The following SGIP1 variants were observed in gnomAD, a reference collection of about 807,000 sequenced individuals.
SGIP1 encodes the protein SH3GL interacting endocytic adaptor 1.
A neutral mutation model predicts 107.5 loss-of-function variants in SGIP1; 38 were observed. The ratio of observed to expected loss-of-function variants is 0.35; its 90% CI spans 0.27 to 0.46. The LOEUF is 0.46. Among genes scored for constraint, SGIP1 ranks in the 20% least tolerant of loss-of-function variants. The pLI is 1.00. For missense variants in SGIP1, 929 were observed against 1,019.5 expected, an observed-to-expected ratio of 0.91 and a Z score of 1.21; for synonymous variants, 365 against 366.1, an observed-to-expected ratio of 1.00 and a Z score of 0.03.
At chr1:66,651,667 A>G (rs968432575) in intron 7 of SGIP1, among the ~76,000 whole-genome samples, 4 of 152,216 alleles carry the variant, frequency 2.6e-5, no homozygotes, top group African/African-American at 9.6e-5. Context: ...CACCCATAGA[A>G]GACCATCCAG....
intron 18 of SGIP1, among the ~76,000 whole-genome samples, chr1:66,701,362 C>A (rs1471899161): frequency 6.6e-6 from 1 of 152,070 alleles, no homozygotes; most frequent in Non-Finnish European, 1.5e-5. Context: ...TATTAAGTAC[C>A]CACTCTGCAA....
intron 1 of SGIP1, among the ~76,000 whole-genome samples, chr1:66,572,678 T>A (rs2060537347): frequency 6.6e-6 from 1 of 152,080 alleles, no homozygotes; most frequent in Non-Finnish European, 1.5e-5. Flanking sequence ...GATTTTAAGT[T>A]CATAATTTTC....
chr1:66,615,532 CT>C (rs1044782291), intron 1 of SGIP1, among the ~76,000 whole-genome samples: 6 of 152,190 alleles, frequency 3.9e-5, no homozygotes, highest in East Asian at 3.8e-4. Context: ...GACTGGCCCC[CT>C]ATTCCCTGAA....
intron 8 of SGIP1, 93 bp downstream of exon 8, chr1:66,660,617 A>G: frequency 8.4e-7 from 1 of 1,186,726 alleles, no homozygotes; most frequent in Non-Finnish European, 1.3e-6. Flanking sequence ...TGTGTTTAAC[A>G]CCTAAACAAG....
Position 66,643,626 on chromosome 1 carries a change from A to G in SGIP1, c.366A>G (p.Lys122=). 2.5e-6 allele frequency: 4 copies of G among 1,610,962 alleles called. No individual in the cohort carries two copies. Among genetic ancestry groups the G allele is most frequent in the Non-Finnish European group, 3.4e-6 (4 of 1,178,966 alleles). The change falls in exon 7 of 25, where the codon AAA becomes AAG. Residue 122 remains lysine, a synonymous_variant. Transcript: ENST00000371037. ...ATAAGAAATTTAATATCAAGATTAA[A>G]CCATTGCAATCTAAAGACATTCTTA... ...ESHKKFNIKI[K]PLQSKDILKN...
chr1:66,537,506 C>T (rs1190561237), intron 1 of SGIP1, among the ~76,000 whole-genome samples: 1 of 152,078 alleles, frequency 6.6e-6, no homozygotes, highest in Non-Finnish European at 1.5e-5. Context: ...GGCTATCTGT[C>T]TATTTGTGAG....
rs1399768279 is a variant in SGIP1 at position 66,682,147 on chromosome 1, G to GGGCCTCCTC, written c.1095_1103dup (p.Pro366_Arg368dup). ...TCCCACAGGCCCCCCAGGGCCTCCT[G>GGGCCTCCTC]GGCCTCCTCGCAATGTACTATCGCC... On this transcript the variant is annotated inframe_insertion, in exon 15 of 25. Coordinates refer to ENST00000371037, the MANE Select transcript of SGIP1 (RefSeq NM_032291.4). The GGGCCTCCTC allele has an allele frequency of 6.2e-7, 1 of 1,614,074 alleles. No homozygotes were observed. Among genetic ancestry groups the GGGCCTCCTC allele is most frequent in the African/African-American group, 1.3e-5 (1 of 74,936 alleles).
intron 1 of SGIP1, among the ~76,000 whole-genome samples, chr1:66,600,424 T>C (rs2065574133): frequency 6.6e-6 from 1 of 152,140 alleles, no homozygotes; most frequent in Non-Finnish European, 1.5e-5. Flanking sequence ...GTTGTCATAA[T>C]AAGGCATTTA....
intron 1 of SGIP1, among the ~76,000 whole-genome samples, chr1:66,543,559 G>A (rs1164257098): frequency 1.3e-5 from 2 of 152,186 alleles, no homozygotes; most frequent in African/African-American, 2.4e-5. Flanking sequence ...ACGTTCAAAG[G>A]TGCTGAGGCT....
At chr1:66,676,890 C>T (rs2085498923) in intron 12 of SGIP1, 114 bp from the exon 13 acceptor site, 5 of 773,546 alleles carry the variant, frequency 6.5e-6, no homozygotes, top group Non-Finnish European at 2.1e-6. Flanking sequence ...TTTTTTAGTA[C>T]TGAGACAAGA....
intron 1 of SGIP1, among the ~76,000 whole-genome samples, chr1:66,549,862 G>A (rs1156601426): frequency 1.3e-5 from 2 of 152,096 alleles, no homozygotes; most frequent in Non-Finnish European, 2.9e-5. Flanking sequence ...TGACTCCCCA[G>A]AATCCTTAGA....
Position 66,689,136 on chromosome 1 carries a change from T to C in SGIP1, c.1316-12T>C. The C allele has an allele frequency of 6.2e-7, 1 of 1,610,434 alleles. No individual in the cohort carries two copies. Among genetic ancestry groups the C allele is most frequent in the Non-Finnish European group, 8.5e-7 (1 of 1,178,018 alleles). On this transcript the variant is annotated splice_polypyrimidine_tract_variant and intron_variant, in intron 15 of 24. Transcript: ENST00000371037. ...GTGTTTCCAGCCATTTTAATGCTAGTTTGTTTTTCAGGTGCATCATCCCCT... is the reference window on the plus strand; with the variant it reads ...GTGTTTCCAGCCATTTTAATGCTAGCTTGTTTTTCAGGTGCATCATCCCCT...
intron 1 of SGIP1, among the ~76,000 whole-genome samples, chr1:66,593,957 C>T (rs1014263744): frequency 2.6e-5 from 4 of 151,968 alleles, no homozygotes; most frequent in Admixed American, 6.6e-5. Context: ...ACACATATTC[C>T]GATTAGCATT....
At chr1:66,685,401 A>G (rs1035746572) in intron 15 of SGIP1, among the ~76,000 whole-genome samples, 1 of 152,236 alleles carries the variant, frequency 6.6e-6, no homozygotes, top group African/African-American at 2.4e-5. Flanking sequence ...TTTGGCCAGA[A>G]CAGTACTTTA....
intron 15 of SGIP1, among the ~76,000 whole-genome samples, chr1:66,683,315 G>T (rs927429196): frequency 6.6e-6 from 1 of 152,066 alleles, no homozygotes; most frequent in African/African-American, 2.4e-5. Flanking sequence ...CCATGTATTT[G>T]TTTTTCCTTT....
intron 1 of SGIP1, among the ~76,000 whole-genome samples, chr1:66,607,988 G>A (rs1034839706): frequency 6.6e-6 from 1 of 152,138 alleles, no homozygotes; most frequent in African/African-American, 2.4e-5. Flanking sequence ...TGAGTTCAGC[G>A]TGTACATGGT....
intron 1 of SGIP1, among the ~76,000 whole-genome samples, chr1:66,590,137 G>A (rs577230499): frequency 6.6e-6 from 1 of 152,278 alleles, no homozygotes; most frequent in African/African-American, 2.4e-5. Flanking sequence ...AAGGATAAGA[G>A]AGGCTAGCAA....
intron 17 of SGIP1, chr1:66,690,525 C>CA (rs1205411924): frequency 1.7e-6 from 1 of 603,922 alleles, no homozygotes; most frequent in African/African-American, 1.9e-5. Flanking sequence ...AGAACATTAA[C>CA]ACCTGTGTTT....
intron 7 of SGIP1, among the ~76,000 whole-genome samples, chr1:66,654,685 T>G (rs2079398080): frequency 6.6e-6 from 1 of 152,172 alleles, no homozygotes; most frequent in Admixed American, 6.5e-5. Flanking sequence ...GTCAAAAAAT[T>G]TTTCCTCAAA....
Sources: allele counts gnomAD v4.1 joint callset (sites outside exome capture counted in the v4.1 genomes callset), GRCh38; gene constraint gnomAD v4.1.1; transcripts MANE v1.5; gene names NCBI Gene and HGNC (gene_info 2026-07-23, HGNC 2026-07-21).